The following ADGRL2 variants were observed in gnomAD, a reference collection of about 807,000 sequenced individuals.
ADGRL2 encodes the protein calcium-independent alpha-latrotoxin receptor 2.
In ADGRL2, 44 loss-of-function variants were observed where a neutral mutation model predicts 157.4. The observed-to-expected ratio is 0.28, with a 90% CI of 0.22 to 0.36. The LOEUF (loss-of-function observed/expected upper bound fraction) is 0.36. Among genes scored for constraint, ADGRL2 ranks in the 10% least tolerant of loss-of-function variants. The pLI is 1.00. For missense variants in ADGRL2, 1,510 were observed against 1,768.9 expected (o/e 0.85, Z 2.63); for synonymous variants, 585 against 624.7 (o/e 0.94, Z 0.95).
At chr1:81,446,857 T>C (rs1013410810) in intron 2 of ADGRL2, among the ~76,000 whole-genome samples, 6 of 152,202 alleles carry the variant, frequency 3.9e-5, no homozygotes, top group African/African-American at 1.4e-4. Flanking sequence ...TCATTTGTTA[T>C]ATTTAATTTA....
At chr1:81,757,914 A>G (rs146907917) in intron 1 of ADGRL2, among the ~76,000 whole-genome samples, 1,716 of 152,280 alleles carry the variant, frequency 0.011, 15 homozygotes, top group Non-Finnish European at 0.019. Flanking sequence ...AGTGTGATTC[A>G]GGAGTGGAGT....
intron 2 of ADGRL2, among the ~76,000 whole-genome samples, chr1:81,497,066 T>C (rs2078745959): frequency 1.3e-5 from 2 of 152,110 alleles, no homozygotes; most frequent in Non-Finnish European, 2.9e-5. Flanking sequence ...TGTAACCAAA[T>C]ATAAAGAGAA....
At chr1:81,398,483 A>G (rs369278510) in intron 1 of ADGRL2, among the ~76,000 whole-genome samples, 80 of 151,688 alleles carry the variant, frequency 5.3e-4, no homozygotes, top group African/African-American at 8.7e-4. Flanking sequence ...CTACCAGTGA[A>G]TTTTATACTT....
chr1:81,827,430 G>A (rs2091585855), intron 1 of ADGRL2, among the ~76,000 whole-genome samples: 1 of 152,080 alleles, frequency 6.6e-6, no homozygotes. Flanking sequence ...TTACTATTTT[G>A]ATTGGTTTTA....
At chr1:81,445,531 T>G (rs2077582491) in intron 2 of ADGRL2, among the ~76,000 whole-genome samples, 1 of 152,158 alleles carries the variant, frequency 6.6e-6, no homozygotes, top group African/African-American at 2.4e-5. Flanking sequence ...TGTGGTGGTG[T>G]TAGATGAGGA....
At chr1:81,805,628 T>G (rs911298278) in intron 1 of ADGRL2, among the ~76,000 whole-genome samples, 1 of 151,714 alleles carries the variant, frequency 6.6e-6, no homozygotes, top group Non-Finnish European at 1.5e-5. Flanking sequence ...TTTTTTTTTC[T>G]GTGCCATTGA....
chr1:81,542,988 T>G (rs17106671), intron 2 of ADGRL2, among the ~76,000 whole-genome samples: 27,249 of 151,262 alleles, frequency 0.18, 2,567 homozygotes, highest in African/African-American at 0.23. Context: ...CTGGGTCAAA[T>G]TTAAACACTT....
At chr1:81,463,487 T>A (rs982081842) in intron 2 of ADGRL2, among the ~76,000 whole-genome samples, 1 of 152,188 alleles carries the variant, frequency 6.6e-6, no homozygotes, top group Non-Finnish European at 1.5e-5. Flanking sequence ...TGAGAACTTT[T>A]GTTACAAAAC....
chr1:81,731,168 T>C (rs576564372), intron 1 of ADGRL2, among the ~76,000 whole-genome samples: 2 of 152,328 alleles, frequency 1.3e-5, no homozygotes, highest in South Asian at 4.1e-4. Flanking sequence ...AAGGATATTA[T>C]TTACAGAAAT....
intron 1 of ADGRL2, among the ~76,000 whole-genome samples, chr1:81,442,746 C>T (rs149852231): frequency 2.7e-3 from 417 of 152,302 alleles, no homozygotes; most frequent in Middle Eastern, 0.01. Context: ...AAGGACCTAT[C>T]CATGAGCCCT....
intron 2 of ADGRL2, among the ~76,000 whole-genome samples, chr1:81,475,762 G>A (rs1408014847): frequency 6.6e-6 from 1 of 152,154 alleles, no homozygotes; most frequent in East Asian, 1.9e-4. Context: ...AAGACACAAA[G>A]AGTAGGGATA....
At position 81,659,092 on chromosome 1, in the gene ADGRL2, C is replaced by T. The variant is rs1391671026; in HGVS notation, c.-143+78112C>T. On this transcript the variant is annotated intron_variant, in intron 3 of 24. Transcript: ENST00000370721. Reference sequence around the variant, plus strand: ...TTTTTTTTTTTTTGAGACAGAGTCTCGCTCTGTCATCCAGGCTGGAGTGCA... The same window carrying T: ...TTTTTTTTTTTTTGAGACAGAGTCTTGCTCTGTCATCCAGGCTGGAGTGCA... Among the ~76,000 whole-genome samples, 77 of 118,672 alleles carry T rather than the reference C, an allele frequency of 6.5e-4. 1 individual carries two copies. The highest frequency in any genetic ancestry group is 2.8e-3 in the Admixed American group (27 of 9,790). The allele number at this position is 118,672 out of a possible 152,430, so 77.9% of individuals were successfully genotyped here. A position where few individuals can be genotyped will look rare whatever the true frequency, so the allele number is the denominator to read the frequency against.
chr1:81,622,431 A>C (rs2081814591), intron 3 of ADGRL2, among the ~76,000 whole-genome samples: 1 of 152,086 alleles, frequency 6.6e-6, no homozygotes, highest in African/African-American at 2.4e-5. Context: ...AAATACAAAA[A>C]TTAGCTGGGC....
At chr1:81,607,512 G>A (rs751890916) in intron 3 of ADGRL2, among the ~76,000 whole-genome samples, 7 of 152,178 alleles carry the variant, frequency 4.6e-5, no homozygotes, top group African/African-American at 7.2e-5. Flanking sequence ...TAAACTGCAC[G>A]TGGAAGGATG....
chr1:81,695,735 C>T (rs557665883), upstream of ADGRL2, among the ~76,000 whole-genome samples: 17 of 151,672 alleles, frequency 1.1e-4, no homozygotes, highest in African/African-American at 3.6e-4. Flanking sequence ...GCAGGAGAAT[C>T]GCTTGAAGCT....
intron 1 of ADGRL2, among the ~76,000 whole-genome samples, chr1:81,833,752 A>T (rs575228164): frequency 2.8e-4 from 42 of 152,332 alleles, no homozygotes; most frequent in South Asian, 1.0e-3. Flanking sequence ...GAAAGACTGC[A>T]GCTGACTGTA....
chr1:81,439,316 G>A (rs571714227), intron 1 of ADGRL2, among the ~76,000 whole-genome samples: 106 of 152,284 alleles, frequency 7.0e-4, no homozygotes, highest in Non-Finnish European at 1.2e-3. Context: ...GTAAGTATGC[G>A]AACTCTGAGG....
At chr1:81,664,038 G>T (rs2082709313) in intron 3 of ADGRL2, among the ~76,000 whole-genome samples, 2 of 152,152 alleles carry the variant, frequency 1.3e-5, no homozygotes, top group South Asian at 4.2e-4. Context: ...ATTACTAGAG[G>T]TTATAAAATA....
chr1:81,503,193 G>T (rs1006209889), intron 2 of ADGRL2: 4 of 1,614,188 alleles, frequency 2.5e-6, no homozygotes, highest in Non-Finnish European at 3.4e-6. Flanking sequence ...TGAAGATCAG[G>T]ATCAACGGCA....
Sources: gnomAD v4.1 joint callset for allele counts (sites outside exome capture counted in the v4.1 genomes callset) on GRCh38, gnomAD v4.1.1 for gene constraint, MANE v1.5 for transcripts, NCBI Gene and HGNC (gene_info 2026-07-23, HGNC 2026-07-21) for gene names.